Variants in R3HDM4 observed in about 807,000 individuals in gnomAD.
R3HDM4 encodes R3H domain containing 4.
A neutral mutation model predicts 31.3 loss-of-function variants in R3HDM4; 30 were observed. The observed-to-expected ratio is 0.96, with a 90% CI of 0.72 to 1.30. R3HDM4 has a LOEUF of 1.30. Among genes scored for constraint, R3HDM4 ranks in the 50% most tolerant of loss-of-function variants. The probability of loss-of-function intolerance (pLI) is 0.00; values close to 1 mark genes in which losing one functional copy is unlikely to be tolerated. For missense variants in R3HDM4, 444 were observed against 366.1 expected, an observed-to-expected ratio of 1.21 and a Z score of -1.74; for synonymous variants, 196 against 156.6, an observed-to-expected ratio of 1.25 and a Z score of -1.88.
In R3HDM4 at chr19:913,037, G is replaced by T; in HGVS notation, c.71+50C>A. 1 of 754,766 alleles carries T rather than the reference G, an allele frequency of 1.3e-6. No individual in the cohort carries two copies. The highest frequency in any genetic ancestry group is 1.6e-6 in the Non-Finnish European group (1 of 610,238). The allele number at this position is 754,766 out of a possible 1,614,324, so 46.8% of individuals were successfully genotyped here. On this transcript the variant is annotated intron_variant, in intron 1 of 7. Coordinates refer to ENST00000361574, the MANE Select transcript of R3HDM4 (RefSeq NM_138774.4). The surrounding 1 kb of genome is among the most constrained non-coding windows in gnomAD (Gnocchi z 5.0). The stretch of plus-strand genomic sequence containing the variant: ...GGCGGGGAGAGGATCTCAGGGGAGG[G>T]AGCCCAGCCCGCCCCCGGCGCCCGC...
In R3HDM4 at chr19:897,335, T is replaced by G. The variant is rs1418837294; in HGVS notation, c.*102A>C. On this transcript the variant is annotated 3_prime_UTR_variant, in exon 8 of 8. Coordinates refer to ENST00000361574, the MANE Select transcript of R3HDM4 (RefSeq NM_138774.4). Reference sequence around the variant, plus strand: ...AGAGACCACCCCAAGCGAAAAAGGTTTCCGAGGACAAATTCTAAAAATATG... The same window carrying G: ...AGAGACCACCCCAAGCGAAAAAGGTGTCCGAGGACAAATTCTAAAAATATG... 6 of 921,634 alleles carry G rather than the reference T, an allele frequency of 6.5e-6. No individual in the cohort carries two copies. The highest frequency in any genetic ancestry group is 9.7e-6 in the Non-Finnish European group (6 of 620,240). The allele number at this position is 921,634 out of a possible 1,614,324, so 57.1% of individuals were successfully genotyped here.
chr19:909,361 T>TG (rs978848969), intron 1 of R3HDM4, among the ~76,000 whole-genome samples: 1 of 151,924 alleles, frequency 6.6e-6, no homozygotes, highest in African/African-American at 2.4e-5. Context: ...CAGCCTGGGG[T>TG]GGGGCAGACT....
intron 1 of R3HDM4, among the ~76,000 whole-genome samples, chr19:906,075 AGCGCAGTG>A (rs542264191): frequency 1.3e-5 from 2 of 152,044 alleles, no homozygotes; most frequent in African/African-American, 4.8e-5. Flanking sequence ...CCCAGGCTGG[AGCGCAGTG>A]GTGCGATCTC....
chr19:901,942 A>G (rs201578873), intron 2 of R3HDM4, 34 bp downstream of exon 2: 6 of 1,610,876 alleles, frequency 3.7e-6, no homozygotes, highest in Non-Finnish European at 5.1e-6. Flanking sequence ...AAGGCCCAGG[A>G]GCCCCCAGGA....
intron 4 of R3HDM4, 84 bp from the exon 5 acceptor site, chr19:900,230 G>T: frequency 9.1e-7 from 1 of 1,101,794 alleles, no homozygotes; most frequent in Non-Finnish European, 1.3e-6. Context: ...ACCCAGGGAA[G>T]ACCACGCCCA....
chr19:897,788 T>C (rs539316071), intron 7 of R3HDM4, among the ~76,000 whole-genome samples: 76 of 152,332 alleles, frequency 5.0e-4, no homozygotes, highest in African/African-American at 1.7e-3. Flanking sequence ...CTCATTCCAC[T>C]GTGCGGATGG....
At chr19:903,498 G>A (rs893486334) in intron 1 of R3HDM4, among the ~76,000 whole-genome samples, 1 of 152,130 alleles carries the variant, frequency 6.6e-6, no homozygotes, top group Admixed American at 6.5e-5. Context: ...CCCGGGAAGC[G>A]GGCGGCGTTT....
intron 2 of R3HDM4, 25 bp downstream of exon 2, chr19:901,951 G>A (rs1361322766): frequency 6.2e-7 from 1 of 1,612,106 alleles, no homozygotes; most frequent in Non-Finnish European, 8.5e-7. Flanking sequence ...GAGCCCCCAG[G>A]AGGCGCCTCC....
chr19:901,511 C>T lies in R3HDM4; in HGVS notation c.262G>A (p.Gly88Ser), dbSNP rs200727752. 1.9e-4 allele frequency: 304 copies of T among 1,608,324 alleles called. No individual in the cohort carries two copies. The highest frequency in any genetic ancestry group is 2.3e-4 in the Admixed American group (14 of 59,980). Residue 88 changes from glycine to serine, a missense_variant, in exon 3 of 8, where the codon GGC becomes AGC. Gly to Ser is a moderately conservative substitution (Grantham distance 56). Coordinates refer to ENST00000361574, the MANE Select transcript of R3HDM4 (RefSeq NM_138774.4). ...TCCCCATCCTCCAGGCCAGGCAGGC[C>T]CCCGTCTGTCTCCAGCAGGGTCAGG... ...YLLTLLETDG[G>S]LPGLEDGDLA...
chr19:900,024 C>A (rs575909114), intron 5 of R3HDM4, 37 bp downstream of exon 5: 1 of 1,594,104 alleles, frequency 6.3e-7, no homozygotes, highest in Non-Finnish European at 8.6e-7. Context: ...AAAGACCAGG[C>A]AGGTAGAAAA....
chr19:901,291 T>G (rs2036833108), intron 3 of R3HDM4, 131 bp downstream of exon 3: 2 of 1,036,734 alleles, frequency 1.9e-6, no homozygotes, highest in African/African-American at 1.6e-5. Context: ...CGAAGGAGAC[T>G]GAGGGGCCTT....
chr19:901,184 C>A, intron 3 of R3HDM4: 3 of 666,818 alleles, frequency 4.5e-6, no homozygotes, highest in Admixed American at 6.0e-5. Flanking sequence ...AACACTCCTG[C>A]AATCGTTGGA....
intron 1 of R3HDM4, among the ~76,000 whole-genome samples, chr19:909,916 G>A (rs2036950838): frequency 6.6e-6 from 1 of 152,202 alleles, no homozygotes; most frequent in African/African-American, 2.4e-5. Flanking sequence ...TGGGTGCAGT[G>A]GCTCACGCCT....
At position 897,360 on chromosome 19, in the gene R3HDM4, G is replaced by T; in HGVS notation, c.*77C>A. On this transcript the variant is annotated 3_prime_UTR_variant, in exon 8 of 8. Coordinates refer to ENST00000361574, the MANE Select transcript of R3HDM4 (RefSeq NM_138774.4). Reference sequence around the variant, plus strand: ...TTCCGAGGACAAATTCTAAAAATATGAAAGATATTTTAGCCGAAGGTATCG... The same window carrying T: ...TTCCGAGGACAAATTCTAAAAATATTAAAGATATTTTAGCCGAAGGTATCG... 9.1e-7 allele frequency: 1 copy of T among 1,096,324 alleles called. No individual in the cohort carries two copies. The highest frequency in any genetic ancestry group is 1.3e-6 in the Non-Finnish European group (1 of 772,848). 67.9% of individuals were successfully genotyped at this position (1,096,324 alleles called of 1,614,324 possible). A position where few individuals can be genotyped will look rare whatever the true frequency, so the allele number is the denominator to read the frequency against.
intron 1 of R3HDM4, among the ~76,000 whole-genome samples, chr19:912,773 C>A (rs1167557187): frequency 1.4e-5 from 1 of 73,996 alleles, no homozygotes; most frequent in African/African-American, 5.6e-5. Flanking sequence ...GGGGGCGGAC[C>A]GGGGAGTAGG....
In R3HDM4 at chr19:907,201, T is replaced by C. The variant is rs1261127938; in HGVS notation, c.72-5071A>G. On this transcript the variant is annotated intron_variant, in intron 1 of 7. Coordinates refer to ENST00000361574, the MANE Select transcript of R3HDM4 (RefSeq NM_138774.4). The surrounding 1 kb of genome is among the most constrained non-coding windows in gnomAD (Gnocchi z 4.1). Reference sequence around the variant, plus strand: ...AGAGGGCAGCTGGAGAAGGAGGTGGTGGACCATGCCCTCAGCACAGAGCAC... The same window carrying C: ...AGAGGGCAGCTGGAGAAGGAGGTGGCGGACCATGCCCTCAGCACAGAGCAC... Among the ~76,000 whole-genome samples the C allele has an allele frequency of 6.6e-6, 1 of 152,114 alleles. No homozygotes were observed. The highest frequency in any genetic ancestry group is 1.9e-4 in the East Asian group (1 of 5,194).
chr19:897,861 T>C (rs1439970364), intron 7 of R3HDM4, among the ~76,000 whole-genome samples: 1 of 152,208 alleles, frequency 6.6e-6, no homozygotes, highest in Admixed American at 6.5e-5. Flanking sequence ...TGGCGGAGTG[T>C]CCGGCCTCCC....
At chr19:900,169 G>C in intron 4 of R3HDM4, 23 bp from the exon 5 acceptor site, 2 of 1,540,246 alleles carry the variant, frequency 1.3e-6, no homozygotes, top group Non-Finnish European at 1.8e-6. Flanking sequence ...GGGAACAAGG[G>C]GCAGTCTTGG....
chr19:901,898 G>A, intron 2 of R3HDM4, 78 bp downstream of exon 2: 5 of 1,552,980 alleles, frequency 3.2e-6, no homozygotes, highest in Non-Finnish European at 4.4e-6. Flanking sequence ...CATGGGAGGG[G>A]TAACAGATAA....
Sources: gnomAD v4.1 joint callset for allele counts (sites outside exome capture counted in the v4.1 genomes callset) on GRCh38, gnomAD v4.1.1 for gene constraint, Gnocchi (gnomAD v3.1) non-coding constraint, MANE v1.5 for transcripts, NCBI Gene and HGNC (gene_info 2026-07-23, HGNC 2026-07-21) for gene names.